Variants in GRM8 observed in about 807,000 individuals in gnomAD.
GRM8 encodes the protein glutamate metabotropic receptor 8.
In GRM8, 47 loss-of-function variants were observed where a neutral mutation model predicts 87.2. That is an observed-to-expected ratio of 0.54 (90% CI 0.43 to 0.69). GRM8 has a LOEUF of 0.69. Ranked by LOEUF, GRM8 falls within the 30% of genes least tolerant of loss-of-function variation. GRM8 has a pLI of 0.00. For missense variants in GRM8, 1,019 were observed against 1,139.2 expected (o/e 0.89, Z 1.52); for synonymous variants, 396 against 404.5 (o/e 0.98, Z 0.25).
intron 7 of GRM8, among the ~76,000 whole-genome samples, chr7:126,649,829 C>T (rs951759288): frequency 6.6e-6 from 1 of 152,166 alleles, no homozygotes; most frequent in Non-Finnish European, 1.5e-5. Context: ...GCAACAGGTA[C>T]AGGCTGCTGT....
intron 6 of GRM8, among the ~76,000 whole-genome samples, chr7:126,781,765 G>C (rs576985011): frequency 5.9e-4 from 90 of 152,066 alleles, no homozygotes; most frequent in African/African-American, 2.1e-3. Flanking sequence ...ACCCAGACTG[G>C]AGTGCAGTGG....
intron 8 of GRM8, among the ~76,000 whole-genome samples, chr7:126,589,819 C>T (rs751137479): frequency 2.0e-5 from 3 of 152,046 alleles, no homozygotes; most frequent in African/African-American, 4.8e-5. Flanking sequence ...GTGCAGACAC[C>T]CCCTAGTAGG....
intron 6 of GRM8, among the ~76,000 whole-genome samples, chr7:126,796,538 A>C (rs1457300460): frequency 6.6e-6 from 1 of 152,054 alleles, no homozygotes; most frequent in Non-Finnish European, 1.5e-5. Flanking sequence ...ACTATTTCTC[A>C]CTAATATAAT....
intron 3 of GRM8, among the ~76,000 whole-genome samples, chr7:127,098,466 G>A (rs907393534): frequency 2.0e-5 from 3 of 151,938 alleles, no homozygotes; most frequent in African/African-American, 7.3e-5. Flanking sequence ...CCCAAGAGGG[G>A]AAAATGCTTT....
intron 9 of GRM8, among the ~76,000 whole-genome samples, chr7:126,515,465 A>T (rs775903468): frequency 6.6e-6 from 1 of 152,098 alleles, no homozygotes; most frequent in African/African-American, 2.4e-5. Flanking sequence ...TAAGTTTCCT[A>T]TTGCTGTTAT....
chr7:126,890,462 C>G (rs1454773976), intron 6 of GRM8, among the ~76,000 whole-genome samples: 1 of 152,004 alleles, frequency 6.6e-6, no homozygotes, highest in African/African-American at 2.4e-5. Context: ...GGTTAAGGTC[C>G]TCATCACCAT....
chr7:126,534,819 C>T (rs1815430661), intron 8 of GRM8, among the ~76,000 whole-genome samples: 1 of 152,156 alleles, frequency 6.6e-6, no homozygotes, highest in African/African-American at 2.4e-5. Context: ...AGACCACTTA[C>T]TATGAAAAGC....
intron 3 of GRM8, among the ~76,000 whole-genome samples, chr7:127,004,910 GAAGGA>G (rs1190703477): frequency 1.3e-5 from 2 of 151,552 alleles, no homozygotes; most frequent in Non-Finnish European, 3.0e-5. Flanking sequence ...AAGAAGAAAA[GAAGGA>G]AAGAGACAAT....
chr7:126,934,881 T>C (rs1220179255), intron 3 of GRM8, among the ~76,000 whole-genome samples: 1 of 152,226 alleles, frequency 6.6e-6, no homozygotes, highest in Non-Finnish European at 1.5e-5. Context: ...ACATAGCTTA[T>C]TTTCCTGCAA....
intron 7 of GRM8, among the ~76,000 whole-genome samples, chr7:126,720,150 ATT>A (rs200028972): frequency 1.9e-4 from 26 of 137,846 alleles, no homozygotes; most frequent in African/African-American, 4.0e-4. Flanking sequence ...TATTCTCACA[ATT>A]TTTTTTTTTT....
chr7:126,802,370 C>A (rs554880715), intron 6 of GRM8, among the ~76,000 whole-genome samples: 1 of 152,274 alleles, frequency 6.6e-6, no homozygotes, highest in South Asian at 2.1e-4. Context: ...ACTATTCTAA[C>A]TTCCTGCTTC....
At chr7:127,007,186 T>C (rs1486992094) in intron 3 of GRM8, among the ~76,000 whole-genome samples, 1 of 152,004 alleles carries the variant, frequency 6.6e-6, no homozygotes, top group African/African-American at 2.4e-5. Flanking sequence ...AATATTTATA[T>C]ATAAAATTAA....
intron 6 of GRM8, among the ~76,000 whole-genome samples, chr7:126,849,501 A>G (rs35215008): frequency 0.22 from 34,178 of 152,148 alleles, 4,385 homozygotes; most frequent in East Asian, 0.5. Context: ...TACTGAAAGA[A>G]TAAGTACATG....
intron 6 of GRM8, among the ~76,000 whole-genome samples, chr7:126,886,210 GC>G (rs1260907052): frequency 6.6e-5 from 10 of 152,028 alleles, no homozygotes; most frequent in Non-Finnish European, 1.5e-4. Context: ...CCACATTATT[GC>G]CAGGAATTAC....
At chr7:127,176,107 T>A (rs1403952415) in intron 2 of GRM8, among the ~76,000 whole-genome samples, 1 of 152,066 alleles carries the variant, frequency 6.6e-6, no homozygotes, top group East Asian at 1.9e-4. Context: ...AATGGTAGAG[T>A]GTTATTAGAA....
intron 3 of GRM8, among the ~76,000 whole-genome samples, chr7:127,103,795 C>T (rs1157473122): frequency 6.6e-6 from 1 of 152,060 alleles, no homozygotes; most frequent in Non-Finnish European, 1.5e-5. Context: ...CAAGAGATGC[C>T]TTGGGATGAC....
intron 8 of GRM8, among the ~76,000 whole-genome samples, chr7:126,585,942 A>T (rs926329242): frequency 1.3e-5 from 2 of 152,176 alleles, no homozygotes; most frequent in African/African-American, 2.4e-5. Context: ...CCATTGTCTC[A>T]GCCCAAAATC....
chr7:126,490,877 G>A (rs1244430809), intron 9 of GRM8, among the ~76,000 whole-genome samples: 1 of 151,986 alleles, frequency 6.6e-6, no homozygotes, highest in Non-Finnish European at 1.5e-5. Context: ...TTAAAAATTG[G>A]AAAAGGTAAT....
intron 2 of GRM8, among the ~76,000 whole-genome samples, chr7:127,225,660 T>A (rs1797277508): frequency 1.3e-5 from 2 of 148,644 alleles, no homozygotes; most frequent in Admixed American, 1.3e-4. Flanking sequence ...ATCTATTTTA[T>A]AATAGATAGA....
Sources: allele counts gnomAD v4.1 joint callset (sites outside exome capture counted in the v4.1 genomes callset), GRCh38; gene constraint gnomAD v4.1.1; transcripts MANE v1.5; gene names NCBI Gene and HGNC (gene_info 2026-07-23, HGNC 2026-07-21).